Variants in EPS8 observed in about 807,000 individuals in gnomAD.
EPS8 encodes the protein EGFR pathway substrate 8, signaling adaptor.
A neutral mutation model predicts 103.8 loss-of-function variants in EPS8; 42 were observed. That is an observed-to-expected ratio of 0.40 (90% CI 0.32 to 0.52). EPS8 has a LOEUF of 0.52. Among genes scored for constraint, EPS8 ranks in the 20% least tolerant of loss-of-function variants. EPS8 has a pLI of 0.40. For missense variants in EPS8, 969 were observed against 1,005.1 expected, an observed-to-expected ratio of 0.96 and a Z score of 0.49; for synonymous variants, 344 against 344.6, an observed-to-expected ratio of 1.00 and a Z score of 0.02.
rs866918770 is a variant in EPS8, at chr12:15,784,760, A to C, written c.-22+4401T>G. On this transcript the variant is annotated intron_variant, in intron 1 of 20. Transcript: ENST00000281172. The surrounding 1 kb of genome is among the most constrained non-coding windows in gnomAD (Gnocchi z 4.0). ...CAAAATATCCTTCAATAGGTGAATA[A>C]ACAAACCATGATATATCTGATAATG... Among the ~76,000 whole-genome samples, 1 of 152,130 alleles carries C rather than the reference A, an allele frequency of 6.6e-6. No individual in the cohort carries two copies. The highest frequency in any genetic ancestry group is 2.4e-5 in the African/African-American group (1 of 41,448).
chr12:15,703,348 G>A (rs1171993143), intron 1 of EPS8, among the ~76,000 whole-genome samples: 1 of 152,104 alleles, frequency 6.6e-6, no homozygotes, highest in East Asian at 1.9e-4. Flanking sequence ...TGTTATTACT[G>A]TATGAACAAT....
intron 1 of EPS8, among the ~76,000 whole-genome samples, chr12:15,750,992 T>C (rs907640545): frequency 6.6e-6 from 1 of 152,084 alleles, no homozygotes; most frequent in African/African-American, 2.4e-5. Context: ...TAAAAGTAAA[T>C]GTTAAGATCA....
intron 12 of EPS8, among the ~76,000 whole-genome samples, chr12:15,654,932 GA>G (rs1211078478): frequency 1.3e-5 from 2 of 152,046 alleles, no homozygotes; most frequent in African/African-American, 4.8e-5. Flanking sequence ...GCAAAATGAG[GA>G]TAAGTAGATG....
In EPS8 at chr12:15,750,000, T is replaced by C. The variant is rs73316919; in HGVS notation, c.-22+39161A>G. ...TAAGATTTCAGATAACTTTCCTCTG[T>C]TTCTCCCTGCTGAGGACAACTGCCT... On this transcript the variant is annotated intron_variant, in intron 1 of 20. Coordinates refer to ENST00000281172, the MANE Select transcript of EPS8 (RefSeq NM_004447.6). This position sits in a 1 kb window ranked among gnomAD's most constrained non-coding sequence, Gnocchi z 4.0. Among the ~76,000 whole-genome samples, 1,906 of 152,294 alleles carry C rather than the reference T, an allele frequency of 0.013. 44 individuals are homozygous for C. Among genetic ancestry groups the C allele is most frequent in the African/African-American group, 0.044 (1,824 of 41,548 alleles).
chr12:15,709,938 G>A (rs1294650755), intron 1 of EPS8, among the ~76,000 whole-genome samples: 3 of 152,198 alleles, frequency 2.0e-5, no homozygotes, highest in African/African-American at 4.8e-5. Context: ...AGTTCACAAT[G>A]GGGTTCGACT....
intron 13 of EPS8, 106 bp downstream of exon 13, chr12:15,654,038 CT>C: frequency 9.1e-7 from 1 of 1,100,024 alleles, no homozygotes; most frequent in Non-Finnish European, 1.3e-6. Flanking sequence ...TTTTTTCATC[CT>C]ATGACGCTTA....
intron 18 of EPS8, among the ~76,000 whole-genome samples, chr12:15,630,774 C>T (rs1387148620): frequency 6.6e-6 from 1 of 152,140 alleles, no homozygotes. Flanking sequence ...ACGTGTCATA[C>T]AGGGGTCAAA....
At chr12:15,782,505 A>T (rs192119352) in intron 1 of EPS8, among the ~76,000 whole-genome samples, 1 of 152,170 alleles carries the variant, frequency 6.6e-6, no homozygotes, top group East Asian at 1.9e-4. Flanking sequence ...GTCTCAAAAA[A>T]TTTTTTTAAA....
At chr12:15,665,076 T>G (rs1454200499) in intron 8 of EPS8, 6 of 152,202 alleles carry the variant, frequency 3.9e-5, no homozygotes, top group Admixed American at 6.5e-5. Context: ...AACCTTTCCA[T>G]GAATATGACA....
intron 18 of EPS8, among the ~76,000 whole-genome samples, chr12:15,628,262 G>A (rs749709211): frequency 6.6e-6 from 1 of 152,036 alleles, no homozygotes; most frequent in Admixed American, 6.6e-5. Flanking sequence ...AAAATAAAAT[G>A]TATCACCACA....
intron 12 of EPS8, among the ~76,000 whole-genome samples, chr12:15,656,856 C>T (rs1945516049): frequency 6.6e-6 from 1 of 152,186 alleles, no homozygotes; most frequent in Non-Finnish European, 1.5e-5. Flanking sequence ...GGCCAAAAAT[C>T]TGGGAGCTAT....
chr12:15,729,770 T>G (rs1946693507), intron 1 of EPS8, among the ~76,000 whole-genome samples: 1 of 152,210 alleles, frequency 6.6e-6, no homozygotes, highest in South Asian at 2.1e-4. Flanking sequence ...TTGACTCCAC[T>G]GTGTTCACAG....
At chr12:15,668,511 G>T (rs1409193469) in intron 6 of EPS8, among the ~76,000 whole-genome samples, 2 of 152,112 alleles carry the variant, frequency 1.3e-5, no homozygotes, top group Non-Finnish European at 2.9e-5. Flanking sequence ...CACATTCAAG[G>T]TTGAAGATAA....
At chr12:15,675,036 G>C (rs970926080) in intron 3 of EPS8, among the ~76,000 whole-genome samples, 4 of 152,148 alleles carry the variant, frequency 2.6e-5, no homozygotes, top group Admixed American at 6.5e-5. Context: ...GACAAGAAGA[G>C]AAAGAAAGCT....
At chr12:15,676,195 C>T (rs928030219) in intron 3 of EPS8, among the ~76,000 whole-genome samples, 1 of 149,484 alleles carries the variant, frequency 6.7e-6, no homozygotes, top group Non-Finnish European at 1.5e-5. Context: ...ATGGCGTGAA[C>T]CCAGGAGTGA....
intron 18 of EPS8, among the ~76,000 whole-genome samples, chr12:15,631,117 G>A (rs193246965): frequency 3.0e-3 from 453 of 152,248 alleles, no homozygotes; most frequent in Non-Finnish European, 4.8e-3. Context: ...GTGCTGAGAG[G>A]ATAATTAAAT....
rs372844911 is a variant in EPS8, at chr12:15,682,921, T to C, written c.31A>G (p.Ser11Gly). ...ATCTGAGATGGGTACATTCCAAAAC[T>C]ACTGGGATGATTAGAAATATGACCA... The part of the protein sequence containing the change: MNGHISNHPS[S>G]FGMYPSQMNG... The change falls in exon 2 of 21, where the codon AGT (serine) becomes GGT (glycine). Residue 11 changes from serine to glycine, a missense_variant. Physicochemically the swap from Ser to Gly is moderately conservative, Grantham distance 56. Coordinates refer to ENST00000281172, the MANE Select transcript of EPS8 (RefSeq NM_004447.6). 16 of 1,586,414 alleles carry C rather than the reference T, an allele frequency of 1.0e-5. No homozygotes were observed. Among genetic ancestry groups the C allele is most frequent in the Non-Finnish European group, 1.2e-5 (14 of 1,163,232 alleles).
In EPS8 at chr12:15,663,948, A is replaced by AAT. The variant is rs58743830; in HGVS notation, c.736+1806_736+1807dup. 5.1e-3 allele frequency among the ~76,000 whole-genome samples: 254 copies of AAT among 49,406 alleles called. 3 individuals are homozygous for AAT. Among genetic ancestry groups the AAT allele is most frequent in the African/African-American group, 0.014 (235 of 16,840 alleles). The allele number at this position is 49,406 out of a possible 152,430, so 32.4% of individuals were successfully genotyped here. ...AAAAAAAAAAAAAAAAAAAAAAAATAATATATATATATATATATATATATA... is the reference window on the plus strand; with the variant it reads ...AAAAAAAAAAAAAAAAAAAAAAAATAATATATATATATATATATATATATATA... On this transcript the variant is annotated intron_variant, in intron 8 of 20. Transcript: ENST00000281172.
At chr12:15,743,844 G>A (rs1296944549) in intron 1 of EPS8, among the ~76,000 whole-genome samples, 1 of 152,194 alleles carries the variant, frequency 6.6e-6, no homozygotes, top group Non-Finnish European at 1.5e-5. Flanking sequence ...TCAGGCCATA[G>A]GCATGGGCAA....
Sources: allele counts gnomAD v4.1 joint callset (sites outside exome capture counted in the v4.1 genomes callset), GRCh38; gene constraint gnomAD v4.1.1; non-coding constraint Gnocchi (gnomAD v3.1); transcripts MANE v1.5; gene names NCBI Gene and HGNC (gene_info 2026-07-23, HGNC 2026-07-21).